LYPD4: variants seen among roughly 807,000 people sequenced by gnomAD.
The protein encoded by LYPD4 is LY6/PLAUR domain containing 4, also known as ly6/PLAUR domain-containing protein 4.
In LYPD4, 20 loss-of-function variants were observed where a neutral mutation model predicts 18.2. That is an observed-to-expected ratio of 1.10 (90% CI 0.77 to 1.59). The LOEUF (loss-of-function observed/expected upper bound fraction) is 1.59, where lower values mean the gene tolerates loss of function less well. Among genes scored for constraint, LYPD4 ranks in the 40% most tolerant of loss-of-function variants. LYPD4 has a pLI of 0.00. For synonymous variants in LYPD4, 111 were observed against 118.3 expected, an observed-to-expected ratio of 0.94 and a Z score of 0.40; for missense variants, 278 against 300.3, an observed-to-expected ratio of 0.93 and a Z score of 0.55.
chr19:41,842,764 C>CAAAAAAAAAAA (rs782233081), intron 1 of LYPD4, among the ~76,000 whole-genome samples: 56 of 49,794 alleles, frequency 1.1e-3, no homozygotes, highest in East Asian at 2.6e-3. Flanking sequence ...TCCGTCTAAA[C>CAAAAAAAAAAA]AAAAAAAAAA....
At chr19:41,844,705 G>A (rs2073783583), upstream of LYPD4, 7 of 152,388 alleles carry the variant, frequency 4.6e-5, no homozygotes, top group Admixed American at 4.6e-4. Context: ...GGCGGGGCCA[G>A]GCGGGCCGTT....
chr19:41,836,001 G>C (rs539182413), downstream of LYPD4: 17 of 180,208 alleles, frequency 9.4e-5, no homozygotes, highest in Non-Finnish European at 1.8e-4. Flanking sequence ...GATAGTGGGA[G>C]AGAATTAAAC....
chr19:41,843,056 AAAAAAAAAAAAAAAAAAAAAAC>A lies in LYPD4; in HGVS notation c.-121+500_-121+521del, dbSNP rs2073680443. On this transcript the variant is annotated intron_variant, in intron 1 of 4. Coordinates refer to ENST00000609812, the MANE Select transcript of LYPD4 (RefSeq NM_173506.7). The stretch of plus-strand genomic sequence containing the variant: ...CTAAAAAAAAAAAAAAAAAAAAAAA[AAAAAAAAAAAAAAAAAAAAAAC>A]CCCAACAACAACACTACACACATCC... Among the ~76,000 whole-genome samples the A allele has an allele frequency of 1.4e-3, 82 of 60,446 alleles. 3 individuals are homozygous for A. Among genetic ancestry groups the A allele is most frequent in the African/African-American group, 2.6e-3 (52 of 19,866 alleles). The allele number at this position is 60,446 out of a possible 152,430, so 39.7% of individuals were successfully genotyped here.
intron 1 of LYPD4, among the ~76,000 whole-genome samples, chr19:41,843,078 C>CAAAAAAAAAAAAAAAA (rs2073693023): frequency 2.2e-4 from 2 of 9,110 alleles, no homozygotes; most frequent in Non-Finnish European, 4.1e-4. Context: ...AAAAAAAAAA[C>CAAAAAAAAAAAAAAAA]CCCAACAACA....
chr19:41,837,242 G>C lies in LYPD4; in HGVS notation c.642C>G (p.Leu214=). 6.2e-7 allele frequency: 1 copy of C among 1,614,076 alleles called. No individual in the cohort carries two copies. Among genetic ancestry groups the C allele is most frequent in the South Asian group, 1.1e-5 (1 of 91,080 alleles). ...CAATCTGAGACTTCTCTAAGATGTT[G>C]AGGACCTCAGTCACTTTGATGCTCC... ...HIGSIKVTEV[L]NILEKSQIVG... Residue 214 remains leucine, a synonymous_variant, in exon 5 of 5, where the codon CTC becomes CTG. Transcript: ENST00000609812.
rs1202667551 is a variant in LYPD4 at position 41,844,093 on chromosome 19, C to T, written c.-636G>A. 1 of 151,762 alleles carries T rather than the reference C, an allele frequency of 6.6e-6. No homozygotes were observed. Among genetic ancestry groups the T allele is most frequent in the Middle Eastern group, 3.2e-3 (1 of 316 alleles). 9.4% of individuals were successfully genotyped at this position (151,762 alleles called of 1,614,324 possible). On this transcript the variant is annotated 5_prime_UTR_variant, in exon 1 of 5. Coordinates refer to ENST00000609812, the MANE Select transcript of LYPD4 (RefSeq NM_173506.7). ...TGGGGCTCTCAGGGAGAAGAGGAGT[C>T]GATTTTAGAGGGGGAGAAGAAAAGG...
chr19:41,837,384 G>A, intron 4 of LYPD4, 39 bp from the exon 5 acceptor site: 1 of 1,611,048 alleles, frequency 6.2e-7, no homozygotes. Flanking sequence ...ACACTTTCAA[G>A]ACTCAAGAGC....
At chr19:41,838,722 T>G (rs939872316) in intron 3 of LYPD4, among the ~76,000 whole-genome samples, 159 bp downstream of exon 3, 3 of 150,804 alleles carry the variant, frequency 2.0e-5, no homozygotes, top group African/African-American at 7.3e-5. Flanking sequence ...TAGTAAGAAC[T>G]CCCCATCTCA....
chr19:41,839,247 G>A lies in LYPD4; in HGVS notation c.39C>T (p.Cys13=), dbSNP rs1406423754. ...GCAGAGTGGAGATGGCCCCTAGAAGGCAGAACAGCTGCACAAGTCTCAAAT... is the reference window on the plus strand; with the variant it reads ...GCAGAGTGGAGATGGCCCCTAGAAGACAGAACAGCTGCACAAGTCTCAAAT... The part of the protein sequence containing the change: ...PQHLRLVQLF[C]LLGAISTLPR... The change falls in exon 2 of 5, where the codon TGC becomes TGT. Residue 13 remains cysteine, a synonymous_variant. Coordinates refer to ENST00000609812, the MANE Select transcript of LYPD4 (RefSeq NM_173506.7). 3.1e-6 allele frequency: 5 copies of A among 1,614,024 alleles called. No individual in the cohort carries two copies. The highest frequency in any genetic ancestry group is 1.3e-5 in the African/African-American group (1 of 74,896).
Position 41,837,135 on chromosome 19 carries a change from C to T in LYPD4, c.*8G>A. Reference sequence around the variant, plus strand: ...GAGTCTGGGTGCTTGTCGGGTGCAGCTAGATGGTCAGTCCCTGAAGGCAAA... The same window carrying T: ...GAGTCTGGGTGCTTGTCGGGTGCAGTTAGATGGTCAGTCCCTGAAGGCAAA... On this transcript the variant is annotated 3_prime_UTR_variant, in exon 5 of 5. Transcript: ENST00000609812. 1 of 1,613,748 alleles carries T rather than the reference C, an allele frequency of 6.2e-7. No individual in the cohort carries two copies. The highest frequency in any genetic ancestry group is 8.5e-7 in the Non-Finnish European group (1 of 1,179,854).
downstream of LYPD4, among the ~76,000 whole-genome samples, chr19:41,836,402 T>A (rs1243182251): frequency 2.8e-5 from 4 of 144,246 alleles, no homozygotes; most frequent in Non-Finnish European, 6.0e-5. Flanking sequence ...GACAGAAATC[T>A]GCAGGGGAGG....
rs1244120144 is a variant in LYPD4, at chr19:41,839,343, A to ATCCCAAGCTCAGT, written c.-71_-59dup. The ATCCCAAGCTCAGT allele has an allele frequency of 3.3e-6, 5 of 1,526,310 alleles. No homozygotes were observed. In the African/African-American group the frequency reaches 5.5e-5, roughly 17 times the overall value. The allele number at this position is 1,526,310 out of a possible 1,614,324, so 94.5% of individuals were successfully genotyped here. A position where few individuals can be genotyped will look rare whatever the true frequency, so the allele number is the denominator to read the frequency against. ...CAGTCTGGAATCAGTTTCAGTCTGGATCCCAAGCTCAGTTCCCATCAGTCC... is the reference window on the plus strand; with the variant it reads ...CAGTCTGGAATCAGTTTCAGTCTGGATCCCAAGCTCAGTTCCCAAGCTCAGTTCCCATCAGTCC... On this transcript the variant is annotated 5_prime_UTR_variant, in exon 2 of 5. An upstream open reading frame in the 5' UTR gains an earlier in-frame stop. Transcript: ENST00000609812.
At chr19:41,840,160 A>T (rs1421934233) in intron 1 of LYPD4, among the ~76,000 whole-genome samples, 2 of 152,130 alleles carry the variant, frequency 1.3e-5, no homozygotes, top group Non-Finnish European at 2.9e-5. Flanking sequence ...ACACACACAC[A>T]CACATAAGTG....
Position 41,839,211 on chromosome 19 carries a change from G to A in LYPD4, c.67+8C>T, listed in dbSNP as rs781938723. ...GGGTCTTATAGCATCCAGCCCCACAGGACATACGAGGCAGAGTGGAGATGG... is the reference window on the plus strand; with the variant it reads ...GGGTCTTATAGCATCCAGCCCCACAAGACATACGAGGCAGAGTGGAGATGG... On this transcript the variant is annotated splice_region_variant and intron_variant, in intron 2 of 4. Coordinates refer to ENST00000609812, the MANE Select transcript of LYPD4 (RefSeq NM_173506.7). The A allele has an allele frequency of 7.4e-6, 12 of 1,613,992 alleles. No individual in the cohort carries two copies. The East Asian group carries it at 2.7e-4, about 36-fold the overall frequency.
At chr19:41,842,133 G>T (rs1278441480) in intron 1 of LYPD4, among the ~76,000 whole-genome samples, 1 of 151,956 alleles carries the variant, frequency 6.6e-6, no homozygotes, top group Non-Finnish European at 1.5e-5. Context: ...GCCCCCACCT[G>T]CCAGGCTCAT....
In LYPD4 at chr19:41,837,284, T is replaced by G; in HGVS notation, c.600A>C (p.Ala200=). 6.2e-7 allele frequency: 1 copy of G among 1,614,026 alleles called. No individual in the cohort carries two copies. Among genetic ancestry groups the G allele is most frequent in the East Asian group, 2.2e-5 (1 of 44,872 alleles). ...GCAREHNQLL[A]DFHHIGSIKV... is the part of the protein sequence containing the mutation. ...TGATGCTCCCAATATGATGAAAATC[T>G]GCTAAAAGCTGGTTATGTTCACGAG... Residue 200 remains alanine, a synonymous_variant, in exon 5 of 5, where the codon GCA becomes GCC. Transcript: ENST00000609812.
At chr19:41,835,647 C>T (rs1824157984), downstream of LYPD4, 1 of 297,634 alleles carries the variant, frequency 3.4e-6, no homozygotes, top group Non-Finnish European at 5.0e-6. Context: ...TCCACCTAGC[C>T]CTGTTCCACT....
At chr19:41,841,873 C>T (rs1345806595) in intron 1 of LYPD4, among the ~76,000 whole-genome samples, 1 of 152,136 alleles carries the variant, frequency 6.6e-6, no homozygotes, top group Non-Finnish European at 1.5e-5. Context: ...AACACTATTT[C>T]TGGACTCTGA....
rs2073732469 is a variant in LYPD4, at chr19:41,843,742, A to G, written c.-285T>C. On this transcript the variant is annotated 5_prime_UTR_variant, in exon 1 of 5. Transcript: ENST00000609812. ...CCGCAGAAAAGCTGGGACACAGGAA[A>G]GAGAAACGAAGGCTGACAACAGATC... 6.6e-6 allele frequency: 1 copy of G among 152,076 alleles called. No individual in the cohort carries two copies. 9.4% of individuals were successfully genotyped at this position (152,076 alleles called of 1,614,324 possible).
Sources: gnomAD v4.1 joint callset for allele counts (sites outside exome capture counted in the v4.1 genomes callset) on GRCh38, gnomAD v4.1.1 for gene constraint, MANE v1.5 for transcripts, NCBI Gene and HGNC (gene_info 2026-07-23, HGNC 2026-07-21) for gene names.